Variants in GEN1 observed in about 807,000 individuals in gnomAD.
The protein encoded by GEN1 is GEN1 structure-specific endonuclease, also known as flap endonuclease GEN homolog 1.
Under a neutral mutation model 67.6 loss-of-function variants are expected in GEN1, and 64 were observed. The ratio of observed to expected loss-of-function variants is 0.95; its 90% CI spans 0.77 to 1.17. GEN1 has a LOEUF of 1.17. GEN1 is among the 50% of genes most tolerant of loss of function. The pLI is 0.00. For synonymous variants in GEN1, 371 were observed against 359.4 expected (o/e 1.03, Z -0.37); for missense variants, 1,058 against 1,048.3 (o/e 1.01, Z -0.13).
chr2:17,754,094 G>T (rs139190656), upstream of GEN1: 3,608 of 152,404 alleles, frequency 0.024, 51 homozygotes, highest in African/African-American at 0.04. Flanking sequence ...TGGGGGAAAG[G>T]GGTCAGTCAC....
chr2:17,780,972 C>T lies in GEN1; in HGVS notation c.1760C>T (p.Thr587Ile), dbSNP rs112224689. The T allele has an allele frequency of 4.3e-6, 7 of 1,613,342 alleles. No homozygotes were observed. The highest frequency in any genetic ancestry group is 4.0e-5 in the African/African-American group (3 of 74,928). The change falls in exon 14 of 14, where the codon ACT (threonine) becomes ATT (isoleucine). Residue 587 changes from threonine to isoleucine, a missense_variant. Thr to Ile is a moderately conservative substitution (Grantham distance 89, BLOSUM62 -1). Coordinates refer to ENST00000381254, the MANE Select transcript of GEN1 (RefSeq NM_001130009.3). ...GTGATTGCTGATCTACACTTGAGCA[C>T]TATTGACTGGGAAGGTACTTCTTTT... ...ISVIADLHLS[T>I]IDWEGTSFSN...
intron 8 of GEN1, 21 bp from the exon 9 acceptor site, chr2:17,773,073 CAT>C: frequency 1.4e-6 from 2 of 1,470,352 alleles, no homozygotes; most frequent in African/African-American, 1.4e-5. Flanking sequence ...ATAGTAATAA[CAT>C]GTATATAATT....
chr2:17,778,300 ACATATATGTATATACACACACACG>A (rs1672600761), intron 12 of GEN1, among the ~76,000 whole-genome samples: 2 of 114,924 alleles, frequency 1.7e-5, no homozygotes, highest in Non-Finnish European at 3.7e-5. Context: ...ATGTGTGTGT[ACATATATGTATATACACACACACG>A]TGTACATATA....
intron 5 of GEN1, among the ~76,000 whole-genome samples, chr2:17,767,073 T>G (rs1651482041): frequency 6.6e-6 from 1 of 152,202 alleles, no homozygotes; most frequent in Non-Finnish European, 1.5e-5. Context: ...GTATTCTTTG[T>G]GCACATGCTC....
In GEN1 at chr2:17,767,185, A is replaced by G. The variant is rs117263663; in HGVS notation, c.636+496A>G. 5.3e-5 allele frequency among the ~76,000 whole-genome samples: 8 copies of G among 152,314 alleles called. No individual in the cohort carries two copies. The East Asian group carries it at 1.5e-3, about 29-fold the overall frequency. On this transcript the variant is annotated intron_variant, in intron 5 of 13. Coordinates refer to ENST00000381254, the MANE Select transcript of GEN1 (RefSeq NM_001130009.3). Reference sequence around the variant, plus strand: ...GGGTTTTGTTCATGGAAATATTTGTATCTTAAGATGCACAATCTAGTGCTC... The same window carrying G: ...GGGTTTTGTTCATGGAAATATTTGTGTCTTAAGATGCACAATCTAGTGCTC...
At chr2:17,778,412 A>G (rs374778138) in intron 12 of GEN1, among the ~76,000 whole-genome samples, 2,210 of 31,478 alleles carry the variant, frequency 0.07, 641 homozygotes, top group African/African-American at 0.13. Flanking sequence ...ATACACACAT[A>G]TATGTGTGTA....
intron 5 of GEN1, among the ~76,000 whole-genome samples, chr2:17,767,483 A>G (rs1671984205): frequency 6.6e-6 from 1 of 152,210 alleles, no homozygotes; most frequent in Non-Finnish European, 1.5e-5. Context: ...AAAATTATTA[A>G]GCCTAATTTG....
chr2:17,754,685 C>G (rs1331251893), intron 1 of GEN1: 1 of 152,314 alleles, frequency 6.6e-6, no homozygotes, highest in African/African-American at 2.4e-5. Context: ...GAGAGCCCTC[C>G]CTGGTCCCCA....
chr2:17,771,433 A>G (rs577062681), intron 7 of GEN1, 146 bp downstream of exon 7: 65 of 609,674 alleles, frequency 1.1e-4, no homozygotes, highest in African/African-American at 7.0e-4. Flanking sequence ...CCTTGCAGTC[A>G]GTTTTGTTAT....
At chr2:17,777,905 T>C (rs1672516470) in intron 11 of GEN1, 97 bp from the exon 12 acceptor site, 2 of 671,980 alleles carry the variant, frequency 3.0e-6, no homozygotes, top group Non-Finnish European at 5.4e-6. Context: ...TGTTTTTACC[T>C]GGGAAAAAAA....
At chr2:17,762,347 G>A (rs1256577265) in intron 3 of GEN1, among the ~76,000 whole-genome samples, 4 of 150,820 alleles carry the variant, frequency 2.7e-5, no homozygotes, top group Admixed American at 6.6e-5. Context: ...GACTACAGGC[G>A]CCCGCCACCA....
At chr2:17,780,570 G>C in intron 13 of GEN1, 51 bp from the exon 14 acceptor site, 1 of 1,242,236 alleles carries the variant, frequency 8.1e-7, no homozygotes, top group Non-Finnish European at 1.1e-6. Context: ...TTTTACCCAA[G>C]TTAAAGCAAA....
Position 17,780,917 on chromosome 2 carries a change from C to T in GEN1, c.1705C>T (p.Gln569Ter). 8.7e-6 allele frequency: 14 copies of T among 1,613,892 alleles called. No individual in the cohort carries two copies. The highest frequency in any genetic ancestry group is 1.2e-5 in the Non-Finnish European group (14 of 1,179,940). Residue 569 changes from glutamine to a stop codon, truncating the protein, a stop_gained, in exon 14 of 14, where the codon CAA becomes TAA. Transcript: ENST00000381254. LOFTEE classifies it low-confidence loss of function (END_TRUNC). ...TAAGTCTCTAATTTCAGAATCTAGT[C>T]AACCCAATACCTCATCTCATAATAT... ...VSKSLISESS[Q>*]PNTSSHNISV... is the part of the protein sequence containing the mutation.
chr2:17,781,456 T>C lies in GEN1; in HGVS notation c.2244T>C (p.Tyr748=), dbSNP rs929863744. ...GAGACCAGCTGCTTCAAGAAGACTA[T>C]AAAGTCAATACTTCTGTCCCTTATT... ...LKGDQLLQED[Y]KVNTSVPYSV... Residue 748 remains tyrosine, a synonymous_variant, in exon 14 of 14, where the codon TAT becomes TAC. Coordinates refer to ENST00000381254, the MANE Select transcript of GEN1 (RefSeq NM_001130009.3). The C allele has an allele frequency of 1.2e-6, 2 of 1,613,436 alleles. No homozygotes were observed. The highest frequency in any genetic ancestry group is 1.7e-6 in the Non-Finnish European group (2 of 1,179,898).
chr2:17,753,769 G>T (rs555311226), upstream of GEN1: 1 of 152,270 alleles, frequency 6.6e-6, no homozygotes, highest in African/African-American at 2.4e-5. Context: ...CGCAGGAGAA[G>T]GTAGATTCCC....
At chr2:17,761,636 T>C in intron 3 of GEN1, 54 bp downstream of exon 3, 1 of 1,219,008 alleles carries the variant, frequency 8.2e-7, no homozygotes, top group South Asian at 1.5e-5. Context: ...GGGTGCATTT[T>C]ACTCTTAATA....
rs1673080271 is a variant in GEN1 at position 17,786,988 on chromosome 2, G to C, written c.*5049G>C. ...GGCTGAGGCAGCCTGGCCCCAACTT[G>C]TCTCTTCAGCTTCATGCATTCATAG... On this transcript the variant is annotated 3_prime_UTR_variant, in exon 14 of 14. Transcript: ENST00000381254. The C allele has an allele frequency of 1.3e-5, 2 of 152,186 alleles. No individual in the cohort carries two copies. The highest frequency in any genetic ancestry group is 2.9e-5 in the Non-Finnish European group (2 of 68,052). 9.4% of individuals were successfully genotyped at this position (152,186 alleles called of 1,614,324 possible). A position where few individuals can be genotyped will look rare whatever the true frequency, so the allele number is the denominator to read the frequency against.
intron 1 of GEN1, among the ~76,000 whole-genome samples, chr2:17,758,883 T>C (rs933086660): frequency 5.3e-5 from 8 of 151,460 alleles, no homozygotes; most frequent in Middle Eastern, 3.4e-3. Flanking sequence ...ATAATACTTA[T>C]GGCAGCACTG....
Position 17,759,938 on chromosome 2 carries a change from A to G in GEN1, c.-6A>G, listed in dbSNP as rs1671595425. On this transcript the variant is annotated 5_prime_UTR_variant, in exon 2 of 14. Coordinates refer to ENST00000381254, the MANE Select transcript of GEN1 (RefSeq NM_001130009.3). The stretch of plus-strand genomic sequence containing the variant: ...GTGTTTCACATAACAGCAGATAATC[A>G]CCAGAATGGGAGTGAATGACTTGTG... 6.2e-7 allele frequency: 1 copy of G among 1,613,184 alleles called. No homozygotes were observed.
Sources: gnomAD v4.1 joint callset for allele counts (sites outside exome capture counted in the v4.1 genomes callset) on GRCh38, gnomAD v4.1.1 for gene constraint, MANE v1.5 for transcripts, NCBI Gene and HGNC (gene_info 2026-07-23, HGNC 2026-07-21) for gene names.